The following AHCTF1 variants were observed in gnomAD, a reference collection of about 807,000 sequenced individuals.
AHCTF1 encodes protein ELYS.
A neutral mutation model predicts 248.4 loss-of-function variants in AHCTF1; 24 were observed. That is an observed-to-expected ratio of 0.10 (90% CI 0.07 to 0.14). The LOEUF is 0.14. Ranked by LOEUF, AHCTF1 falls within the 10% of genes least tolerant of loss-of-function variation. AHCTF1 has a pLI of 1.00. For synonymous variants in AHCTF1, 786 were observed against 929.8 expected (o/e 0.85, Z 2.81); for missense variants, 2,206 against 2,636.2 (o/e 0.84, Z 3.57).
intron 21 of AHCTF1, among the ~76,000 whole-genome samples, chr1:246,883,242 T>C (rs1256689730): frequency 6.6e-6 from 1 of 152,202 alleles, no homozygotes; most frequent in African/African-American, 2.4e-5. Context: ...ATTTGGGTGT[T>C]GGACTATTAT....
intron 1 of AHCTF1, among the ~76,000 whole-genome samples, chr1:246,920,641 G>A (rs1457390998): frequency 6.6e-6 from 1 of 151,780 alleles, no homozygotes; most frequent in Non-Finnish European, 1.5e-5. Context: ...GTGGTGGCGG[G>A]CGCCTGTAGT....
chr1:246,926,681 T>C (rs1319770105), intron 1 of AHCTF1, among the ~76,000 whole-genome samples: 1 of 151,718 alleles, frequency 6.6e-6, no homozygotes, highest in Non-Finnish European at 1.5e-5. Context: ...CAGGGTGAAA[T>C]CCCGTCTCTA....
chr1:246,911,028 T>C (rs1665762585), intron 4 of AHCTF1, among the ~76,000 whole-genome samples: 2 of 152,226 alleles, frequency 1.3e-5, no homozygotes, highest in South Asian at 2.1e-4. Context: ...AAAATTTATT[T>C]TGCATTAAAC....
At chr1:246,855,646 A>G in intron 31 of AHCTF1, 84 bp downstream of exon 31, 1 of 1,074,986 alleles carries the variant, frequency 9.3e-7, no homozygotes, top group South Asian at 1.5e-5. Context: ...ATAACACAAT[A>G]GATTATTTTG....
Position 246,839,785 on chromosome 1 carries a change from G to A in AHCTF1, c.*1021C>T, listed in dbSNP as rs1020856674. ...TTACAACACTTATTTATTGATGAGT[G>A]TTAGAGCCTACATCAAGTACCATTG... On this transcript the variant is annotated 3_prime_UTR_variant, in exon 36 of 36. Coordinates refer to ENST00000648844, the MANE Select transcript of AHCTF1 (RefSeq NM_001323342.2). 4 of 154,220 alleles carry A rather than the reference G, an allele frequency of 2.6e-5. No individual in the cohort carries two copies. Among genetic ancestry groups the A allele is most frequent in the African/African-American group, 9.6e-5 (4 of 41,464 alleles). The allele number at this position is 154,220 out of a possible 1,614,324, so 9.6% of individuals were successfully genotyped here.
intron 33 of AHCTF1, among the ~76,000 whole-genome samples, chr1:246,849,215 G>A (rs1660513152): frequency 6.6e-6 from 1 of 152,182 alleles, no homozygotes; most frequent in Non-Finnish European, 1.5e-5. Flanking sequence ...TTAGTAAAAA[G>A]CTACTGGTGT....
intron 11 of AHCTF1, among the ~76,000 whole-genome samples, chr1:246,898,970 T>A (rs1033851038): frequency 6.6e-6 from 1 of 152,148 alleles, no homozygotes; most frequent in African/African-American, 2.4e-5. Flanking sequence ...GCACCTGTAA[T>A]CCTAGCTATT....
chr1:246,910,960 T>C, intron 4 of AHCTF1, among the ~76,000 whole-genome samples: 1 of 152,252 alleles, frequency 6.6e-6, no homozygotes, highest in East Asian at 1.9e-4. Flanking sequence ...ATTTCCTACC[T>C]TGGTGTATTT....
At chr1:246,910,849 A>G (rs901328780) in intron 4 of AHCTF1, among the ~76,000 whole-genome samples, 3 of 152,214 alleles carry the variant, frequency 2.0e-5, no homozygotes, top group African/African-American at 7.2e-5. Flanking sequence ...CTCAAAAGAA[A>G]TGGGTAAGCC....
chr1:246,921,210 TGACAAAACTATG>T (rs1666525426), intron 1 of AHCTF1, among the ~76,000 whole-genome samples: 1 of 151,756 alleles, frequency 6.6e-6, no homozygotes, highest in African/African-American at 2.4e-5. Context: ...GATGCAAACA[TGACAAAACTATG>T]AAAAAAACAA....
intron 25 of AHCTF1, 58 bp downstream of exon 25, chr1:246,867,603 T>C (rs1662077366): frequency 3.2e-6 from 5 of 1,575,412 alleles, no homozygotes; most frequent in Admixed American, 1.8e-5. Flanking sequence ...ATGAACGCTG[T>C]TGATGTCCAG....
chr1:246,842,867 A>ACTG (rs34402133), intron 34 of AHCTF1, 91 bp from the exon 35 acceptor site: 214,434 of 1,068,468 alleles, frequency 0.2, 24,250 homozygotes, highest in Admixed American at 0.35. Context: ...AGAGCCAAAC[A>ACTG]CTGATGAATT....
chr1:246,898,789 T>C (rs1664786733), intron 11 of AHCTF1, among the ~76,000 whole-genome samples: 1 of 152,238 alleles, frequency 6.6e-6, no homozygotes, highest in Non-Finnish European at 1.5e-5. Flanking sequence ...CATACTTCCC[T>C]AGAAAAGCAT....
chr1:246,846,483 A>G (rs1435373098), intron 33 of AHCTF1, among the ~76,000 whole-genome samples: 1 of 152,102 alleles, frequency 6.6e-6, no homozygotes, highest in African/African-American at 2.4e-5. Flanking sequence ...AACAAGGCTC[A>G]TAAAGGTTAA....
chr1:246,868,569 A>G (rs1662212242), intron 24 of AHCTF1, among the ~76,000 whole-genome samples: 1 of 149,876 alleles, frequency 6.7e-6, no homozygotes, highest in Non-Finnish European at 1.5e-5. Flanking sequence ...TTGTTTCATT[A>G]TAGCTATGCT....
At chr1:246,847,876 A>G (rs942675673) in intron 33 of AHCTF1, among the ~76,000 whole-genome samples, 3 of 152,186 alleles carry the variant, frequency 2.0e-5, no homozygotes, top group East Asian at 1.9e-4. Context: ...TGAGGAGTGT[A>G]TAAGTTATGT....
At chr1:246,863,159 C>G (rs760727763) in intron 27 of AHCTF1, among the ~76,000 whole-genome samples, 1 of 151,942 alleles carries the variant, frequency 6.6e-6, no homozygotes, top group Non-Finnish European at 1.5e-5. Flanking sequence ...TTATTGAAAC[C>G]TAATCTTTTC....
In AHCTF1 at chr1:246,867,315, C is replaced by T. The variant is rs769360009; in HGVS notation, c.3276G>A (p.Ser1092=). 6.2e-5 allele frequency: 99 copies of T among 1,602,578 alleles called. No individual in the cohort carries two copies. The highest frequency in any genetic ancestry group is 1.7e-4 in the Middle Eastern group (1 of 5,918). Residue 1092 remains serine (S), a synonymous_variant, in exon 26 of 36, where the codon TCG becomes TCA. Coordinates refer to ENST00000648844, the MANE Select transcript of AHCTF1 (RefSeq NM_001323342.2). ...CCTCAGGCAGCTCTGGAGCTGGGAGCGAATACACTATAGGAGATGGTTCTT... is the reference window on the plus strand; with the variant it reads ...CCTCAGGCAGCTCTGGAGCTGGGAGTGAATACACTATAGGAGATGGTTCTT... The part of the protein sequence containing the change: ...KIEEPSPIVY[S]LPAPELPEAF...
chr1:246,868,060 T>G (rs945079858), intron 24 of AHCTF1, among the ~76,000 whole-genome samples: 1 of 151,742 alleles, frequency 6.6e-6, no homozygotes, highest in Non-Finnish European at 1.5e-5. Context: ...CCTCCTGGGT[T>G]CAAGCGATTC....
Sources: gnomAD v4.1 joint callset for allele counts (sites outside exome capture counted in the v4.1 genomes callset) on GRCh38, gnomAD v4.1.1 for gene constraint, MANE v1.5 for transcripts, NCBI Gene and HGNC (gene_info 2026-07-23, HGNC 2026-07-21) for gene names.